The following YEATS4 variants were observed in gnomAD, a reference collection of about 807,000 sequenced individuals.
YEATS4 encodes the protein YEATS domain-containing protein 4.
YEATS4 carries 17 observed loss-of-function variants against 30.1 expected under a neutral mutation model. The observed-to-expected ratio is 0.56, with a 90% CI of 0.39 to 0.85. The LOEUF (loss-of-function observed/expected upper bound fraction) is 0.85, where lower values mean the gene tolerates loss of function less well. YEATS4 is among the 40% of genes least tolerant of loss of function. The pLI, the probability that YEATS4 is intolerant of heterozygous loss-of-function variation, is 0.00. For synonymous variants in YEATS4, 85 were observed against 87.5 expected (o/e 0.97, Z 0.16); for missense variants, 142 against 268.3 (o/e 0.53, Z 3.29).
chr12:69,412,654 A>C, the YEATS4 span, among the ~76,000 whole-genome samples: 1 of 152,168 alleles, frequency 6.6e-6, no homozygotes, highest in African/African-American at 2.4e-5. Context: ...CTCCGTCTCA[A>C]AACAAATAAA....
chr12:69,360,857 G>A (rs1419624519), intron 1 of YEATS4, among the ~76,000 whole-genome samples: 1 of 151,340 alleles, frequency 6.6e-6, no homozygotes, highest in East Asian at 2.0e-4. Flanking sequence ...ATCAGAAGGG[G>A]TACAAATAGT....
chr12:69,404,525 A>T, the YEATS4 span, among the ~76,000 whole-genome samples: 1 of 152,096 alleles, frequency 6.6e-6, no homozygotes, highest in Admixed American at 6.6e-5. Flanking sequence ...TGGCTCTTGC[A>T]CTCACTTGCC....
chr12:69,370,006 G>A (rs1875579225), intron 4 of YEATS4, among the ~76,000 whole-genome samples: 1 of 152,000 alleles, frequency 6.6e-6, no homozygotes, highest in South Asian at 2.1e-4. Flanking sequence ...TGACTTTTTT[G>A]AAGAGTACCA....
At chr12:69,405,081 G>A in the YEATS4 span, among the ~76,000 whole-genome samples, 1 of 152,198 alleles carries the variant, frequency 6.6e-6, no homozygotes, top group Admixed American at 6.5e-5. Context: ...CCACCTGCCT[G>A]TGTCAAAGCC....
chr12:69,412,469 T>A, the YEATS4 span, among the ~76,000 whole-genome samples: 2 of 151,768 alleles, frequency 1.3e-5, no homozygotes, highest in Non-Finnish European at 2.9e-5. Context: ...GCCAATATGG[T>A]GAAACCCCGT....
At chr12:69,379,373 C>T (rs1875983690) in intron 6 of YEATS4, among the ~76,000 whole-genome samples, 1 of 151,902 alleles carries the variant, frequency 6.6e-6, no homozygotes, top group South Asian at 2.1e-4. Flanking sequence ...CTCTCTATCT[C>T]CTCTTTAATT....
At chr12:69,362,959 G>A (rs751855188) in intron 2 of YEATS4, 52 bp downstream of exon 2, 39 of 415,636 alleles carry the variant, frequency 9.4e-5, no homozygotes, top group Non-Finnish European at 1.4e-4. Context: ...TCTGTAATTT[G>A]TTTTGCTTAA....
Position 69,390,448 on chromosome 12 carries a change from T to G in YEATS4, c.*132T>G, listed in dbSNP as rs1459320664. On this transcript the variant is annotated 3_prime_UTR_variant, in exon 7 of 7. Coordinates refer to ENST00000247843, the MANE Select transcript of YEATS4 (RefSeq NM_006530.4). ...TATACAGCTGTTGACCATGAATTTC[T>G]TAGCAATAGGAATTTGTACTATTTA... is the stretch of plus-strand genomic sequence containing the variant. The G allele has an allele frequency of 9.0e-6, 7 of 777,370 alleles. No homozygotes were observed. The highest frequency in any genetic ancestry group is 1.1e-5 in the Non-Finnish European group (6 of 529,828). 48.2% of individuals were successfully genotyped at this position (777,370 alleles called of 1,614,324 possible). A position where few individuals can be genotyped will look rare whatever the true frequency, so the allele number is the denominator to read the frequency against.
rs71094710 is a variant in YEATS4, at chr12:69,372,537, G to GTTTTTTTT, written c.514+1570_514+1577dup. On this transcript the variant is annotated intron_variant, in intron 6 of 6. Coordinates refer to ENST00000247843, the MANE Select transcript of YEATS4 (RefSeq NM_006530.4). ...CTACTCTGTTTTCTGTATCTCATGA[G>GTTTTTTTT]TTTTTTTTTTTTTTTGAGACAGAGC... Among the ~76,000 whole-genome samples the GTTTTTTTT allele has an allele frequency of 2.4e-3, 295 of 123,016 alleles. 11 individuals carry two copies. The highest frequency in any genetic ancestry group is 8.1e-3 in the African/African-American group (259 of 31,876). The allele number at this position is 123,016 out of a possible 152,430, so 80.7% of individuals were successfully genotyped here.
At chr12:69,421,058 A>G in the YEATS4 span, among the ~76,000 whole-genome samples, 5 of 152,016 alleles carry the variant, frequency 3.3e-5, no homozygotes, top group African/African-American at 7.3e-5. Context: ...GGGTCTCGCT[A>G]TGTTGCCCAG....
the YEATS4 span, among the ~76,000 whole-genome samples, chr12:69,409,793 G>A: frequency 2.0e-5 from 3 of 150,154 alleles, no homozygotes; most frequent in Non-Finnish European, 4.4e-5. Flanking sequence ...GCATGCATGT[G>A]TGTATCTATA....
At chr12:69,403,592 GA>G in the YEATS4 span, among the ~76,000 whole-genome samples, 4 of 145,846 alleles carry the variant, frequency 2.7e-5, no homozygotes, top group African/African-American at 1.0e-4. Context: ...AAAAAAAAAA[GA>G]AAAAAAGAGG....
chr12:69,413,353 GAAA>G, the YEATS4 span, among the ~76,000 whole-genome samples: 1,022 of 110,518 alleles, frequency 9.2e-3, 14 homozygotes, highest in Middle Eastern at 0.02. Context: ...GTCTCTAAAT[GAAA>G]AAAAAAAAAA....
At chr12:69,363,928 G>A (rs1052440690) in intron 2 of YEATS4, among the ~76,000 whole-genome samples, 2 of 152,162 alleles carry the variant, frequency 1.3e-5, no homozygotes, top group African/African-American at 4.8e-5. Flanking sequence ...AAACTTGAAA[G>A]CATTATGCTA....
chr12:69,404,140 G>C, the YEATS4 span, among the ~76,000 whole-genome samples: 2 of 152,114 alleles, frequency 1.3e-5, no homozygotes, highest in Non-Finnish European at 2.9e-5. Context: ...AAATTCCCAT[G>C]CTGAGCTCTA....
At chr12:69,373,392 G>A (rs922746769) in intron 6 of YEATS4, among the ~76,000 whole-genome samples, 3 of 152,194 alleles carry the variant, frequency 2.0e-5, no homozygotes, top group African/African-American at 7.2e-5. Flanking sequence ...GATGATCAGT[G>A]ATGTTGAGCA....
chr12:69,371,976 A>T (rs1336920171), intron 6 of YEATS4, among the ~76,000 whole-genome samples: 2 of 152,234 alleles, frequency 1.3e-5, no homozygotes, highest in East Asian at 3.8e-4. Context: ...AAAGGCCCTC[A>T]GGTAAGTACA....
At chr12:69,421,573 A>G in the YEATS4 span, among the ~76,000 whole-genome samples, 1 of 152,216 alleles carries the variant, frequency 6.6e-6, no homozygotes, top group Non-Finnish European at 1.5e-5. Context: ...AAGTACAGAG[A>G]GTTCAAGGAC....
the YEATS4 span, among the ~76,000 whole-genome samples, chr12:69,420,402 G>A: frequency 6.7e-6 from 1 of 149,992 alleles, no homozygotes; most frequent in African/African-American, 2.4e-5. Context: ...GACCTGGTTT[G>A]GTTAGGGGGA....
Sources: allele counts gnomAD v4.1 joint callset (sites outside exome capture counted in the v4.1 genomes callset), GRCh38; gene constraint gnomAD v4.1.1; transcripts MANE v1.5; gene names NCBI Gene and HGNC (gene_info 2026-07-23, HGNC 2026-07-21).